ANKHD1: variants seen among roughly 807,000 people sequenced by gnomAD.
ANKHD1 encodes ankyrin repeat and KH domain containing 1.
ANKHD1 carries 31 observed loss-of-function variants against 230.5 expected under a neutral mutation model. The observed-to-expected ratio is 0.13, with a 90% CI of 0.10 to 0.18. The LOEUF (loss-of-function observed/expected upper bound fraction) is 0.18. Ranked by LOEUF, ANKHD1 falls within the 10% of genes least tolerant of loss-of-function variation. ANKHD1 has a pLI of 1.00. For synonymous variants in ANKHD1, 1,074 were observed against 1,117.6 expected (o/e 0.96, Z 0.78); for missense variants, 2,256 against 3,071.3 (o/e 0.73, Z 6.27).
At position 140,401,879 on chromosome 5, in the gene ANKHD1, C is replaced by G. The variant is rs765564488; in HGVS notation, c.-89C>G. The stretch of plus-strand genomic sequence containing the variant: ...CTGGGACGGGGGAAAGGAGACGCTT[C>G]TTCCTCTTGCTGCTCTTCTCGTTCC... On this transcript the variant is annotated 5_prime_UTR_variant, in exon 1 of 34. Coordinates refer to ENST00000360839, the MANE Select transcript of ANKHD1 (RefSeq NM_017747.3). The G allele has an allele frequency of 1.4e-6, 2 of 1,467,882 alleles. No homozygotes were observed. Among genetic ancestry groups the G allele is most frequent in the Non-Finnish European group, 1.8e-6 (2 of 1,117,000 alleles). The allele number at this position is 1,467,882 out of a possible 1,614,324, so 90.9% of individuals were successfully genotyped here.
At chr5:140,457,326 C>G (rs1775274276) in intron 7 of ANKHD1, among the ~76,000 whole-genome samples, 1 of 152,176 alleles carries the variant, frequency 6.6e-6, no homozygotes, top group Non-Finnish European at 1.5e-5. Flanking sequence ...ACTAGAAATA[C>G]CATTTGACCC....
intron 1 of ANKHD1, among the ~76,000 whole-genome samples, chr5:140,416,234 G>T (rs1357777329): frequency 6.6e-6 from 1 of 152,222 alleles, no homozygotes; most frequent in Non-Finnish European, 1.5e-5. Context: ...TGTGAATAGT[G>T]CCGCAGTAAA....
intron 1 of ANKHD1, among the ~76,000 whole-genome samples, chr5:140,431,863 T>G (rs975264834): frequency 6.6e-6 from 1 of 152,206 alleles, no homozygotes; most frequent in Non-Finnish European, 1.5e-5. Context: ...TCTTCTGAAT[T>G]TGATTCTTCC....
intron 14 of ANKHD1, among the ~76,000 whole-genome samples, chr5:140,496,008 A>G (rs1248000574): frequency 4.6e-5 from 7 of 152,192 alleles, no homozygotes; most frequent in Non-Finnish European, 7.3e-5. Flanking sequence ...GAAAAACACT[A>G]TCCCCTACTT....
At chr5:140,499,891 T>C (rs1293592411) in intron 15 of ANKHD1, among the ~76,000 whole-genome samples, 1 of 151,086 alleles carries the variant, frequency 6.6e-6, no homozygotes, top group Non-Finnish European at 1.5e-5. Flanking sequence ...TTTTTTGAGA[T>C]AGAGTCTCAC....
chr5:140,417,182 T>C (rs1771461826), intron 1 of ANKHD1, among the ~76,000 whole-genome samples: 1 of 151,920 alleles, frequency 6.6e-6, no homozygotes, highest in Non-Finnish European at 1.5e-5. Flanking sequence ...AATTTGTGAG[T>C]GATCAGGATA....
intron 30 of ANKHD1, among the ~76,000 whole-genome samples, chr5:140,536,575 G>A (rs1306910713): frequency 1.3e-5 from 2 of 152,052 alleles, no homozygotes; most frequent in Non-Finnish European, 2.9e-5. Flanking sequence ...AATCAAAATC[G>A]TACAATGCTT....
intron 1 of ANKHD1, among the ~76,000 whole-genome samples, chr5:140,432,999 C>T (rs1163266655): frequency 2.0e-5 from 3 of 151,332 alleles, no homozygotes; most frequent in East Asian, 2.0e-4. Flanking sequence ...CCACTGTGCT[C>T]GGCTCGTACC....
chr5:140,443,034 T>C (rs892963686), intron 5 of ANKHD1, among the ~76,000 whole-genome samples: 14 of 152,050 alleles, frequency 9.2e-5, no homozygotes, highest in African/African-American at 2.9e-4. Flanking sequence ...GCCTCCCTAG[T>C]AGCTGGGACT....
At chr5:140,456,754 C>G (rs1309962828) in intron 7 of ANKHD1, among the ~76,000 whole-genome samples, 2 of 152,108 alleles carry the variant, frequency 1.3e-5, no homozygotes, top group African/African-American at 2.4e-5. Context: ...CATAAAAACC[C>G]TAGAAGAAAA....
intron 25 of ANKHD1, among the ~76,000 whole-genome samples, chr5:140,525,483 A>C (rs1753561379): frequency 6.6e-6 from 1 of 152,152 alleles, no homozygotes; most frequent in Admixed American, 6.5e-5. Flanking sequence ...GGAGATCTTG[A>C]ACTCTTGAGC....
rs928787107 is a variant in ANKHD1, at chr5:140,505,609, A to G, written c.3263-115A>G. ...TAGAGCAGTTTTATGTTAACTCATT[A>G]TCAGTGTCTGCCCTGAAGGATTTAT... On this transcript the variant is annotated intron_variant, in intron 17 of 33. Coordinates refer to ENST00000360839, the MANE Select transcript of ANKHD1 (RefSeq NM_017747.3). The G allele has an allele frequency of 2.1e-6, 3 of 1,410,916 alleles. No individual in the cohort carries two copies. In the African/African-American group the frequency reaches 4.4e-5, roughly 21 times the overall value. 87.4% of individuals were successfully genotyped at this position (1,410,916 alleles called of 1,614,324 possible). A position where few individuals can be genotyped will look rare whatever the true frequency, so the allele number is the denominator to read the frequency against.
At chr5:140,402,371 G>C in intron 1 of ANKHD1, 98 bp downstream of exon 1, 1 of 1,368,210 alleles carries the variant, frequency 7.3e-7, no homozygotes, top group Non-Finnish European at 9.4e-7. Flanking sequence ...CCCTGGTGGA[G>C]CCCTTCTGTG....
At chr5:140,481,644 A>G (rs780083530) in intron 10 of ANKHD1, among the ~76,000 whole-genome samples, 10 of 152,092 alleles carry the variant, frequency 6.6e-5, no homozygotes, top group African/African-American at 9.7e-5. Flanking sequence ...GGGAGAGCAC[A>G]TATTTTAAAT....
chr5:140,484,189 T>C (rs950211778), intron 11 of ANKHD1, among the ~76,000 whole-genome samples: 1 of 152,196 alleles, frequency 6.6e-6, no homozygotes, highest in Non-Finnish European at 1.5e-5. Flanking sequence ...CTAATAGTAG[T>C]GGTTTTACCC....
At chr5:140,426,960 C>T (rs903375233) in intron 1 of ANKHD1, among the ~76,000 whole-genome samples, 3 of 152,338 alleles carry the variant, frequency 2.0e-5, no homozygotes, top group African/African-American at 7.2e-5. Flanking sequence ...CAATCTTTTC[C>T]CCACCTTTCC....
At chr5:140,487,092 G>T in intron 14 of ANKHD1, 32 bp downstream of exon 14, 15 of 1,591,718 alleles carry the variant, frequency 9.4e-6, no homozygotes, top group Non-Finnish European at 1.3e-5. Context: ...CTTAAAATGG[G>T]TATTTTTTCA....
At chr5:140,480,432 A>G (rs1319459364) in intron 10 of ANKHD1, among the ~76,000 whole-genome samples, 2 of 152,212 alleles carry the variant, frequency 1.3e-5, no homozygotes, top group African/African-American at 2.4e-5. Flanking sequence ...AAAGCTTTGA[A>G]ATCATTTTTC....
At position 140,401,902 on chromosome 5, in the gene ANKHD1, TC is replaced by T; in HGVS notation, c.-63del. ...TTCTTCCTCTTGCTGCTCTTCTCGT[TC>T]CCGAGATCAGCGGCGGCGGTGACCG... is the stretch of plus-strand genomic sequence containing the variant. On this transcript the variant is annotated 5_prime_UTR_variant, in exon 1 of 34. Transcript: ENST00000360839. 1 of 1,506,190 alleles carries T rather than the reference TC, an allele frequency of 6.6e-7. No homozygotes were observed. Among genetic ancestry groups the T allele is most frequent in the Non-Finnish European group, 8.8e-7 (1 of 1,135,784 alleles). The allele number at this position is 1,506,190 out of a possible 1,614,324, so 93.3% of individuals were successfully genotyped here.
Sources: allele counts gnomAD v4.1 joint callset (sites outside exome capture counted in the v4.1 genomes callset), GRCh38; gene constraint gnomAD v4.1.1; transcripts MANE v1.5; gene names NCBI Gene and HGNC (gene_info 2026-07-23, HGNC 2026-07-21).